Variants in XRCC4 observed in about 807,000 individuals in gnomAD.
The protein encoded by XRCC4 is DNA repair protein XRCC4.
In XRCC4, 28 loss-of-function variants were observed where a neutral mutation model predicts 39.1. The ratio of observed to expected loss-of-function variants is 0.72; its 90% CI spans 0.53 to 0.98. The LOEUF (loss-of-function observed/expected upper bound fraction) is 0.98, where lower values mean the gene tolerates loss of function less well. Ranked by LOEUF, XRCC4 falls within the 50% of genes least tolerant of loss-of-function variation. The pLI is 0.00. For synonymous variants in XRCC4, 123 were observed against 126.4 expected, an observed-to-expected ratio of 0.97 and a Z score of 0.18; for missense variants, 350 against 376.4, an observed-to-expected ratio of 0.93 and a Z score of 0.58.
Position 83,210,851 on chromosome 5 carries a change from T to C in XRCC4, c.745+5930T>C, listed in dbSNP as rs925115958. On this transcript the variant is annotated intron_variant, in intron 6 of 7. Transcript: ENST00000396027. ...TCTTCAGATTTTGACTTAGTATTTATTCACCTGAGAACTCTCAAATGTCCC... is the reference window on the plus strand; with the variant it reads ...TCTTCAGATTTTGACTTAGTATTTACTCACCTGAGAACTCTCAAATGTCCC... Among the ~76,000 whole-genome samples, 8 of 152,218 alleles carry C rather than the reference T, an allele frequency of 5.3e-5. No homozygotes were observed. In the South Asian group the frequency reaches 1.7e-3, roughly 31 times the overall value.
chr5:83,277,293 C>G (rs1237968594), intron 7 of XRCC4, among the ~76,000 whole-genome samples: 1 of 152,172 alleles, frequency 6.6e-6, no homozygotes. Context: ...TTGAGTAAGA[C>G]TATATTAGTT....
intron 3 of XRCC4, among the ~76,000 whole-genome samples, chr5:83,155,194 G>T (rs565706483): frequency 1.3e-5 from 2 of 152,110 alleles, no homozygotes; most frequent in South Asian, 4.1e-4. Flanking sequence ...AAAGTTTGTT[G>T]TAGTCTTGCT....
At chr5:83,121,856 T>TA (rs1747026611) in intron 3 of XRCC4, among the ~76,000 whole-genome samples, 1 of 151,680 alleles carries the variant, frequency 6.6e-6, no homozygotes, top group African/African-American at 2.4e-5. Context: ...CATTTTGAGT[T>TA]AATTTTTGTA....
intron 3 of XRCC4, among the ~76,000 whole-genome samples, chr5:83,163,082 G>A (rs868184416): frequency 1.3e-5 from 2 of 151,612 alleles, no homozygotes; most frequent in Non-Finnish European, 2.9e-5. Context: ...GAATAGCTGG[G>A]ATTTCAAGCA....
chr5:83,123,328 CT>C (rs1390147882), intron 3 of XRCC4, among the ~76,000 whole-genome samples: 1 of 151,970 alleles, frequency 6.6e-6, no homozygotes, highest in Non-Finnish European at 1.5e-5. Flanking sequence ...TGAAAATCTA[CT>C]TTATGCATGT....
intron 6 of XRCC4, among the ~76,000 whole-genome samples, chr5:83,207,906 A>AT (rs1751482585): frequency 6.6e-6 from 1 of 152,046 alleles, no homozygotes; most frequent in South Asian, 2.1e-4. Context: ...TTGAATACAA[A>AT]TAAATTTGTG....
chr5:83,362,294 CAAAA>C, the XRCC4 span, among the ~76,000 whole-genome samples: 13 of 73,158 alleles, frequency 1.8e-4, no homozygotes, highest in African/African-American at 2.7e-4. Context: ...GCTATTTAGG[CAAAA>C]AAAAAAAAAA....
chr5:83,363,880 G>A, the XRCC4 span, among the ~76,000 whole-genome samples: 5,648 of 152,176 alleles, frequency 0.037, 333 homozygotes, highest in African/African-American at 0.13. Context: ...TGTCACTGTC[G>A]TCATTAATTC....
At position 83,304,329 on chromosome 5, in the gene XRCC4, G is replaced by A. The variant is rs945777572; in HGVS notation, c.893+45652G>A. Among the ~76,000 whole-genome samples, 8 of 151,766 alleles carry A rather than the reference G, an allele frequency of 5.3e-5. No homozygotes were observed. In the East Asian group the frequency reaches 5.8e-4, roughly 11 times the overall value. On this transcript the variant is annotated intron_variant, in intron 7 of 7. Transcript: ENST00000396027. ...GGTGGGATTACAGGAGTGCCCCACC[G>A]CACCCAGCCTTAAACAGCTTCTTGG... is the stretch of plus-strand genomic sequence containing the variant.
At chr5:83,078,164 A>AT (rs1271795305) in intron 1 of XRCC4, among the ~76,000 whole-genome samples, 1 of 152,278 alleles carries the variant, frequency 6.6e-6, no homozygotes, top group Non-Finnish European at 1.5e-5. Flanking sequence ...CTGGCAAGAC[A>AT]AATGACAAGG....
intron 7 of XRCC4, among the ~76,000 whole-genome samples, chr5:83,341,370 A>G (rs1361641094): frequency 6.6e-6 from 1 of 152,164 alleles, no homozygotes; most frequent in Non-Finnish European, 1.5e-5. Flanking sequence ...TATAATGTAT[A>G]TACACACATA....
At chr5:83,348,153 C>T (rs963301139) in intron 7 of XRCC4, among the ~76,000 whole-genome samples, 19 of 152,292 alleles carry the variant, frequency 1.2e-4, no homozygotes, top group African/African-American at 4.6e-4. Flanking sequence ...TTTCCAGATG[C>T]ATGGCGCAAG....
intron 7 of XRCC4, among the ~76,000 whole-genome samples, chr5:83,334,990 TCAAAATAAA>T: frequency 6.6e-6 from 1 of 151,900 alleles, no homozygotes; most frequent in South Asian, 2.1e-4. Context: ...GATTCAACAC[TCAAAATAAA>T]TTAAGGAGTT....
chr5:83,208,556 T>C (rs906815292), intron 6 of XRCC4, among the ~76,000 whole-genome samples: 1 of 152,052 alleles, frequency 6.6e-6, no homozygotes, highest in Non-Finnish European at 1.5e-5. Flanking sequence ...TATGGCTTTT[T>C]TTCCTCTAAA....
intron 6 of XRCC4, among the ~76,000 whole-genome samples, chr5:83,210,309 T>G (rs1194060485): frequency 6.6e-6 from 1 of 152,168 alleles, no homozygotes; most frequent in Admixed American, 6.5e-5. Flanking sequence ...AAAGCTTGAT[T>G]TAGTTAAACC....
chr5:83,267,706 A>C (rs1036864966), intron 7 of XRCC4, among the ~76,000 whole-genome samples: 2 of 152,136 alleles, frequency 1.3e-5, no homozygotes, highest in Non-Finnish European at 2.9e-5. Context: ...CGTGTGAGAA[A>C]AATAAATGTC....
intron 3 of XRCC4, among the ~76,000 whole-genome samples, chr5:83,147,825 C>G (rs1748531582): frequency 1.3e-5 from 2 of 149,488 alleles, no homozygotes; most frequent in Admixed American, 6.7e-5. Flanking sequence ...CAGTTTAACT[C>G]TGTTGCCCAG....
intron 7 of XRCC4, among the ~76,000 whole-genome samples, chr5:83,308,215 A>G (rs574915010): frequency 9.8e-5 from 15 of 152,338 alleles, no homozygotes; most frequent in Non-Finnish European, 1.6e-4. Context: ...GAGCCCTGTA[A>G]GAAATTCTTG....
At position 83,111,279 on chromosome 5, in the gene XRCC4, G is replaced by A. The variant is rs1478482; in HGVS notation, c.315+76G>A. The A allele has an allele frequency of 0.46, 565,611 of 1,239,968 alleles. 133,413 individuals are homozygous for A. The highest frequency in any genetic ancestry group is 0.66 in the African/African-American group (42,115 of 63,908). 76.8% of individuals were successfully genotyped at this position (1,239,968 alleles called of 1,614,324 possible). A position where few individuals can be genotyped will look rare whatever the true frequency, so the allele number is the denominator to read the frequency against. ...TGAGGAATTATATTTAAATTTAAGT[G>A]ACTACTATATTATTCCCAGAACACC... is the stretch of plus-strand genomic sequence containing the variant. On this transcript the variant is annotated intron_variant, in intron 3 of 7. Transcript: ENST00000396027.
Sources: gnomAD v4.1 joint callset for allele counts (sites outside exome capture counted in the v4.1 genomes callset) on GRCh38, gnomAD v4.1.1 for gene constraint, MANE v1.5 for transcripts, NCBI Gene and HGNC (gene_info 2026-07-23, HGNC 2026-07-21) for gene names.